Variants in TESMIN observed in about 807,000 individuals in gnomAD.
TESMIN encodes the protein CXC domain containing 2.
Under a neutral mutation model 47.4 loss-of-function variants are expected in TESMIN, and 34 were observed. The ratio of observed to expected loss-of-function variants is 0.72; its 90% CI spans 0.55 to 0.96. The LOEUF is 0.96. Among genes scored for constraint, TESMIN ranks in the 40% least tolerant of loss-of-function variants. The pLI is 0.00. For missense variants in TESMIN, 610 were observed against 637.2 expected, an observed-to-expected ratio of 0.96 and a Z score of 0.46; for synonymous variants, 278 against 258.9, an observed-to-expected ratio of 1.07 and a Z score of -0.71.
chr11:68,741,777 G>A (rs115843354), intron 5 of TESMIN, among the ~76,000 whole-genome samples: 1,873 of 152,296 alleles, frequency 0.012, 39 homozygotes, highest in African/African-American at 0.043. Flanking sequence ...GCAAGCCAGT[G>A]AGAGTGCCAT....
chr11:68,723,757 T>C (rs940647354), intron 6 of TESMIN, among the ~76,000 whole-genome samples: 5 of 152,086 alleles, frequency 3.3e-5, no homozygotes, highest in Admixed American at 6.5e-5. Context: ...TACGAATATA[T>C]GAATAAATTT....
downstream of TESMIN, among the ~76,000 whole-genome samples, chr11:68,706,752 G>T (rs542203802): frequency 3.3e-5 from 5 of 152,312 alleles, no homozygotes; most frequent in South Asian, 2.1e-4. Context: ...ATAAATAAAA[G>T]ATTATTAAAA....
chr11:68,711,162 A>T, intron 8 of TESMIN, 113 bp from the exon 9 acceptor site: 2 of 925,480 alleles, frequency 2.2e-6, no homozygotes, highest in Non-Finnish European at 3.3e-6. Context: ...CATGACAGAG[A>T]GTGTGTGTGT....
intron 2 of TESMIN, among the ~76,000 whole-genome samples, chr11:68,747,713 T>A (rs1041821620): frequency 6.6e-6 from 1 of 152,178 alleles, no homozygotes; most frequent in African/African-American, 2.4e-5. Flanking sequence ...TTATTTATGA[T>A]GTGTTTATAG....
At chr11:68,750,832 A>T (rs1594306798) in intron 1 of TESMIN, 133 bp from the exon 2 acceptor site, 2 of 4,282 alleles carry the variant, frequency 4.7e-4, no homozygotes, top group African/African-American at 1.1e-3. Flanking sequence ...AGGGGCGGCT[A>T]GGGGAGGGGG....
chr11:68,708,499 GC>G lies in TESMIN; in HGVS notation c.1335del (p.Arg445SerfsTer39), dbSNP rs1946023832. On this transcript the variant is annotated frameshift_variant and splice_region_variant, in exon 10 of 10. Coordinates refer to ENST00000255087, the MANE Select transcript of TESMIN (RefSeq NM_004923.3). LOFTEE classifies it low-confidence loss of function (END_TRUNC). ...FSGLPRFSHDRRPSSCISWEV... is the reference protein window; with the variant it reads ...FSGLPRFSHDXRPSSCISWEV... ...TCCCAGGAGATGCATGAGGAAGGCCGCCTGTCAGAAACAGAGCAGTTAAAGG... is the reference window on the plus strand; with the variant it reads ...TCCCAGGAGATGCATGAGGAAGGCCGCTGTCAGAAACAGAGCAGTTAAAGG... 7.5e-6 allele frequency: 12 copies of G among 1,604,136 alleles called. No individual in the cohort carries two copies. In the South Asian group the frequency reaches 1.3e-4, roughly 18 times the overall value.
At chr11:68,732,982 C>A (rs1459772948) in intron 6 of TESMIN, 1 of 152,216 alleles carries the variant, frequency 6.6e-6, no homozygotes, top group Non-Finnish European at 1.5e-5. Flanking sequence ...GACATGTTCT[C>A]CCTTTTCAAC....
chr11:68,707,090 G>C (rs1254522802), downstream of TESMIN, among the ~76,000 whole-genome samples: 5 of 152,218 alleles, frequency 3.3e-5, no homozygotes, highest in Admixed American at 3.3e-4. Flanking sequence ...CTGGTTTTCT[G>C]CCACAGACTC....
At chr11:68,716,492 GTCACACC>G (rs1946141063) in intron 6 of TESMIN, among the ~76,000 whole-genome samples, 1 of 152,262 alleles carries the variant, frequency 6.6e-6, no homozygotes. Context: ...GGCGGCTGCA[GTCACACC>G]TCTTGGTTGT....
intron 6 of TESMIN, among the ~76,000 whole-genome samples, chr11:68,731,008 G>A (rs373529141): frequency 1.3e-5 from 2 of 152,150 alleles, no homozygotes; most frequent in African/African-American, 4.8e-5. Context: ...GGAACTAAGA[G>A]AGGAACTAAA....
At chr11:68,740,559 G>A (rs866979992) in intron 5 of TESMIN, among the ~76,000 whole-genome samples, 1 of 152,196 alleles carries the variant, frequency 6.6e-6, no homozygotes, top group Non-Finnish European at 1.5e-5. Flanking sequence ...AAGGCCAGCA[G>A]CGTGGAGGGG....
Position 68,750,697 on chromosome 11 carries a change from C to T in TESMIN, c.-37G>A, listed in dbSNP as rs1262390269. Reference sequence around the variant, plus strand: ...GCGGGGCGGGATGGCGGGGGCCGCGCACCTGCAACACGCGGCCAGGTGAGA... The same window carrying T: ...GCGGGGCGGGATGGCGGGGGCCGCGTACCTGCAACACGCGGCCAGGTGAGA... On this transcript the variant is annotated splice_region_variant and 5_prime_UTR_variant, in exon 2 of 10. Transcript: ENST00000255087. 5 of 1,394,516 alleles carry T rather than the reference C, an allele frequency of 3.6e-6. No homozygotes were observed. The highest frequency in any genetic ancestry group is 1.5e-5 in the South Asian group (1 of 68,474). The allele number at this position is 1,394,516 out of a possible 1,614,324, so 86.4% of individuals were successfully genotyped here.
intron 9 of TESMIN, among the ~76,000 whole-genome samples, chr11:68,708,943 G>A (rs1028233533): frequency 6.6e-6 from 1 of 152,014 alleles, no homozygotes; most frequent in African/African-American, 2.4e-5. Flanking sequence ...AGTAGAGACA[G>A]GGTTTTGCCA....
At chr11:68,742,285 A>G in intron 5 of TESMIN, 33 bp downstream of exon 5, 1 of 1,333,212 alleles carries the variant, frequency 7.5e-7, no homozygotes, top group South Asian at 1.3e-5. Flanking sequence ...AATAATGCAA[A>G]ATTGTATTTT....
At chr11:68,706,196 G>A (rs1396302942), downstream of TESMIN, among the ~76,000 whole-genome samples, 1 of 152,348 alleles carries the variant, frequency 6.6e-6, no homozygotes, top group East Asian at 1.9e-4. Context: ...TCTCTGGTCA[G>A]CATAGTGGCT....
At chr11:68,750,749 G>T in intron 1 of TESMIN, 50 bp from the exon 2 acceptor site, 2 of 923,674 alleles carry the variant, frequency 2.2e-6, no homozygotes, top group Non-Finnish European at 3.0e-6. Context: ...GACGAGGGGA[G>T]GGGCGGCCAG....
Position 68,718,253 on chromosome 11 carries a change from A to G in TESMIN, c.918-2314T>C, listed in dbSNP as rs538320329. Among the ~76,000 whole-genome samples the G allele has an allele frequency of 2.6e-5, 4 of 152,290 alleles. No individual in the cohort carries two copies. In the South Asian group the frequency reaches 8.3e-4, roughly 32 times the overall value. On this transcript the variant is annotated intron_variant, in intron 6 of 9. Transcript: ENST00000255087. ...ACAGACATGTTAGGAAATCTTCCAG[A>G]GTATGAAAGACAGGGGCCCAGAGAA...
downstream of TESMIN, among the ~76,000 whole-genome samples, chr11:68,706,296 C>G (rs975551360): frequency 6.6e-6 from 1 of 152,190 alleles, no homozygotes; most frequent in African/African-American, 2.4e-5. Flanking sequence ...GCCGGAAGAC[C>G]CTGCAGGGCT....
intron 7 of TESMIN, among the ~76,000 whole-genome samples, chr11:68,713,622 T>C (rs1485833629): frequency 6.6e-6 from 1 of 152,218 alleles, no homozygotes; most frequent in East Asian, 1.9e-4. Flanking sequence ...TCATGTTTTG[T>C]TTTCTGAGTT....
Sources: gnomAD v4.1 joint callset for allele counts (sites outside exome capture counted in the v4.1 genomes callset) on GRCh38, gnomAD v4.1.1 for gene constraint, MANE v1.5 for transcripts, NCBI Gene and HGNC (gene_info 2026-07-23, HGNC 2026-07-21) for gene names.